Variants in FNDC3B observed in about 807,000 individuals in gnomAD.
The protein encoded by FNDC3B is fibronectin type III domain containing 3B.
Under a neutral mutation model 151.5 loss-of-function variants are expected in FNDC3B, and 12 were observed. That is an observed-to-expected ratio of 0.08 (90% CI 0.05 to 0.13). The LOEUF is 0.13. FNDC3B is among the 10% of genes least tolerant of loss of function. FNDC3B has a pLI of 1.00. For synonymous variants in FNDC3B, 528 were observed against 549.0 expected, an observed-to-expected ratio of 0.96 and a Z score of 0.54; for missense variants, 1,214 against 1,505.3, an observed-to-expected ratio of 0.81 and a Z score of 3.20.
At chr3:172,341,580 G>C (rs1733326984) in intron 17 of FNDC3B, among the ~76,000 whole-genome samples, 1 of 152,214 alleles carries the variant, frequency 6.6e-6, no homozygotes, top group African/African-American at 2.4e-5. Flanking sequence ...ATAGATTTTA[G>C]AGTAAAAAGA....
chr3:172,156,717 A>G (rs1722505994), intron 3 of FNDC3B, among the ~76,000 whole-genome samples: 1 of 139,360 alleles, frequency 7.2e-6, no homozygotes, highest in Non-Finnish European at 1.5e-5. Flanking sequence ...TTTTTTCCCC[A>G]CTGTCTGCTC....
intron 16 of FNDC3B, 123 bp from the exon 17 acceptor site, chr3:172,340,990 T>C: frequency 1.4e-6 from 1 of 701,880 alleles, no homozygotes; most frequent in South Asian, 1.7e-5. Flanking sequence ...GCTTTCTGGC[T>C]ATTTAAAAAG....
At chr3:172,063,103 A>G (rs1181171725) in intron 1 of FNDC3B, among the ~76,000 whole-genome samples, 1 of 151,852 alleles carries the variant, frequency 6.6e-6, no homozygotes, top group African/African-American at 2.4e-5. Context: ...TGTTAAATAC[A>G]TTTTTTCGTT....
rs879153671 is a variant in FNDC3B at position 172,227,036 on chromosome 3, G to A, written c.264+89G>A. The stretch of plus-strand genomic sequence containing the variant: ...GTTGAGGCTTCAAAGCCATATTCCA[G>A]GAGTTAATTTGGGTACCGTAGTGCT... On this transcript the variant is annotated intron_variant, in intron 4 of 25. Transcript: ENST00000415807. 47 of 947,894 alleles carry A rather than the reference G, an allele frequency of 5.0e-5. No homozygotes were observed. The South Asian group carries it at 6.0e-4, about 12-fold the overall frequency. 58.7% of individuals were successfully genotyped at this position (947,894 alleles called of 1,614,324 possible).
At chr3:172,300,583 T>C (rs2108230200) in intron 9 of FNDC3B, among the ~76,000 whole-genome samples, 1 of 152,314 alleles carries the variant, frequency 6.6e-6, no homozygotes, top group South Asian at 2.1e-4. Flanking sequence ...AGTTAATGGA[T>C]TCCCCAAAAG....
intron 5 of FNDC3B, among the ~76,000 whole-genome samples, chr3:172,248,899 CATG>C (rs1353665448): frequency 2.6e-5 from 4 of 150,966 alleles, no homozygotes; most frequent in African/African-American, 9.8e-5. Context: ...AGAAATTTGA[CATG>C]ATTCAAATTA....
chr3:172,362,939 C>A lies in FNDC3B; in HGVS notation c.3008+94C>A, dbSNP rs112707704. 4.2e-4 allele frequency: 405 copies of A among 963,696 alleles called. No individual in the cohort carries two copies. In the African/African-American group the frequency reaches 5.8e-3, roughly 14 times the overall value. 59.7% of individuals were successfully genotyped at this position (963,696 alleles called of 1,614,324 possible). ...ACATTTTTATTTGCTTGCACTAAGA[C>A]CCTCTTCCTTCTTGTTCAGAGGCTT... On this transcript the variant is annotated intron_variant, in intron 23 of 25. Coordinates refer to ENST00000415807, the MANE Select transcript of FNDC3B (RefSeq NM_022763.4).
At chr3:172,341,015 G>A in intron 16 of FNDC3B, 98 bp from the exon 17 acceptor site, 1 of 790,424 alleles carries the variant, frequency 1.3e-6, no homozygotes, top group Non-Finnish European at 2.2e-6. Flanking sequence ...AGAAGATGTT[G>A]GTTTTCATGA....
In FNDC3B at chr3:172,238,928, G is replaced by A. The variant is rs558838539; in HGVS notation, c.265-8605G>A. Among the ~76,000 whole-genome samples the A allele has an allele frequency of 2.6e-5, 4 of 152,270 alleles. No individual in the cohort carries two copies. The East Asian group carries it at 7.7e-4, about 29-fold the overall frequency. On this transcript the variant is annotated intron_variant, in intron 4 of 25. Coordinates refer to ENST00000415807, the MANE Select transcript of FNDC3B (RefSeq NM_022763.4). The stretch of plus-strand genomic sequence containing the variant: ...GGAATGATAGATATAAAATTAACTG[G>A]ATTCAGATTTTCTGAGATTTTAGAA...
intron 6 of FNDC3B, among the ~76,000 whole-genome samples, chr3:172,282,312 A>C (rs1317780153): frequency 6.6e-6 from 1 of 151,922 alleles, no homozygotes; most frequent in East Asian, 1.9e-4. Flanking sequence ...ATGTAATATA[A>C]GTGCATTTTT....
intron 9 of FNDC3B, chr3:172,301,758 T>C (rs1199961535): frequency 1.3e-5 from 2 of 152,134 alleles, no homozygotes; most frequent in Non-Finnish European, 2.9e-5. Flanking sequence ...CTGAGGAGAC[T>C]GAGGTGAGAG....
chr3:172,143,071 G>A (rs939121022), intron 3 of FNDC3B, among the ~76,000 whole-genome samples: 1 of 152,068 alleles, frequency 6.6e-6, no homozygotes, highest in African/African-American at 2.4e-5. Context: ...CACCTTTGGG[G>A]TTAGAATTTC....
At chr3:172,100,645 T>G (rs1178974967) in intron 1 of FNDC3B, among the ~76,000 whole-genome samples, 1 of 152,230 alleles carries the variant, frequency 6.6e-6, no homozygotes, top group Non-Finnish European at 1.5e-5. Context: ...GCTAATTTGT[T>G]TGTTTGTTAA....
At chr3:172,111,722 T>G (rs1719979661) in intron 1 of FNDC3B, among the ~76,000 whole-genome samples, 1 of 152,200 alleles carries the variant, frequency 6.6e-6, no homozygotes, top group African/African-American at 2.4e-5. Flanking sequence ...TGAGACATAT[T>G]TGAGGCAGTT....
intron 1 of FNDC3B, among the ~76,000 whole-genome samples, chr3:172,093,493 C>T (rs1408601875): frequency 2.0e-5 from 3 of 151,450 alleles, no homozygotes; most frequent in East Asian, 2.0e-4. Flanking sequence ...CTCCTGACCT[C>T]GTGATCCGCC....
At chr3:172,079,528 A>G (rs2108496969) in intron 1 of FNDC3B, among the ~76,000 whole-genome samples, 1 of 152,372 alleles carries the variant, frequency 6.6e-6, no homozygotes, top group South Asian at 2.1e-4. Context: ...TCTGCCATCA[A>G]AACAGAGGTA....
intron 4 of FNDC3B, among the ~76,000 whole-genome samples, chr3:172,228,403 T>C (rs533042514): frequency 6.6e-6 from 1 of 152,254 alleles, no homozygotes; most frequent in Admixed American, 6.5e-5. Context: ...CCTCCTTTTA[T>C]GCTAAAGGTC....
At chr3:172,111,810 T>G (rs1719983591) in intron 1 of FNDC3B, among the ~76,000 whole-genome samples, 1 of 152,374 alleles carries the variant, frequency 6.6e-6, no homozygotes, top group African/African-American at 2.4e-5. Context: ...TGTCCTTGAA[T>G]TTGAAATTTT....
Position 172,399,111 on chromosome 3 carries a change from C to T in FNDC3B, c.*1636C>T, listed in dbSNP as rs1271918363. On this transcript the variant is annotated 3_prime_UTR_variant, in exon 26 of 26. Coordinates refer to ENST00000415807, the MANE Select transcript of FNDC3B (RefSeq NM_022763.4). Reference sequence around the variant, plus strand: ...TGTACTAGCTTATAATATTCCCATACCAAAGTCATGGGGAAACAAACATTA... The same window carrying T: ...TGTACTAGCTTATAATATTCCCATATCAAAGTCATGGGGAAACAAACATTA... 1 of 152,542 alleles carries T rather than the reference C, an allele frequency of 6.6e-6. No homozygotes were observed. The highest frequency in any genetic ancestry group is 2.4e-5 in the African/African-American group (1 of 41,414). The allele number at this position is 152,542 out of a possible 1,614,324, so 9.4% of individuals were successfully genotyped here. A position where few individuals can be genotyped will look rare whatever the true frequency, so the allele number is the denominator to read the frequency against.
Sources: allele counts gnomAD v4.1 joint callset (sites outside exome capture counted in the v4.1 genomes callset), GRCh38; gene constraint gnomAD v4.1.1; transcripts MANE v1.5; gene names NCBI Gene and HGNC (gene_info 2026-07-23, HGNC 2026-07-21).